Variants in GHR observed in about 807,000 individuals in gnomAD.
GHR encodes the protein GH receptor.
Under a neutral mutation model 67.1 loss-of-function variants are expected in GHR, and 35 were observed. That is an observed-to-expected ratio of 0.52 (90% CI 0.40 to 0.69). GHR has a LOEUF of 0.69. Ranked by LOEUF, GHR falls within the 30% of genes least tolerant of loss-of-function variation. The pLI, the probability that GHR is intolerant of heterozygous loss-of-function variation, is 0.00. For missense variants in GHR, 792 were observed against 764.6 expected (o/e 1.04, Z -0.42); for synonymous variants, 272 against 269.1 (o/e 1.01, Z -0.10).
At chr5:42,513,713 C>T (rs971476312) in intron 1 of GHR, among the ~76,000 whole-genome samples, 3 of 151,416 alleles carry the variant, frequency 2.0e-5, no homozygotes, top group African/African-American at 4.9e-5. Context: ...ACTCGGGAGG[C>T]GGAGGTTGTG....
chr5:42,622,469 G>A lies in GHR; in HGVS notation c.71-6569G>A, dbSNP rs1287390795. Among the ~76,000 whole-genome samples the A allele has an allele frequency of 3.9e-5, 6 of 152,156 alleles. No homozygotes were observed. The South Asian group carries it at 1.0e-3, about 26-fold the overall frequency. On this transcript the variant is annotated intron_variant, in intron 2 of 9. Transcript: ENST00000230882. ...TGTCATAAGAATCACCTGGCAGGGA[G>A]GGGTATGGAAGGGCAAGGTAAGCAT...
chr5:42,572,024 G>T (rs552087516), intron 2 of GHR, among the ~76,000 whole-genome samples: 1 of 152,266 alleles, frequency 6.6e-6, no homozygotes, highest in East Asian at 1.9e-4. Context: ...ACAACAAGGG[G>T]CCCAGGATTC....
intron 3 of GHR, among the ~76,000 whole-genome samples, chr5:42,681,416 T>C (rs1417541116): frequency 6.6e-6 from 1 of 152,178 alleles, no homozygotes; most frequent in East Asian, 1.9e-4. Flanking sequence ...AGATACCATT[T>C]CACACCAGTT....
At chr5:42,576,398 A>G (rs2112531772) in intron 2 of GHR, among the ~76,000 whole-genome samples, 1 of 152,172 alleles carries the variant, frequency 6.6e-6, no homozygotes, top group South Asian at 2.1e-4. Context: ...TAATTATGTA[A>G]AATTCCTATA....
At chr5:42,559,237 A>G (rs1199232059) in intron 1 of GHR, among the ~76,000 whole-genome samples, 1 of 152,166 alleles carries the variant, frequency 6.6e-6, no homozygotes, top group Non-Finnish European at 1.5e-5. Flanking sequence ...ATATATCCTT[A>G]TTTTATAAAA....
At chr5:42,665,875 A>G (rs1222711336) in intron 3 of GHR, among the ~76,000 whole-genome samples, 1 of 152,188 alleles carries the variant, frequency 6.6e-6, no homozygotes, top group Non-Finnish European at 1.5e-5. Context: ...GGCAGAAAAG[A>G]AAGCATGTGC....
intron 3 of GHR, among the ~76,000 whole-genome samples, chr5:42,660,974 G>A (rs1232165153): frequency 6.6e-6 from 1 of 152,190 alleles, no homozygotes; most frequent in Non-Finnish European, 1.5e-5. Flanking sequence ...GAAGCCTCAG[G>A]AGCCGATGCG....
At chr5:42,508,675 G>A (rs545856861) in intron 1 of GHR, among the ~76,000 whole-genome samples, 64 of 152,240 alleles carry the variant, frequency 4.2e-4, no homozygotes, top group Middle Eastern at 3.4e-3. Context: ...CCGAGTTCAC[G>A]CCATTCTCCT....
chr5:42,503,157 C>T (rs1350298762), intron 1 of GHR, among the ~76,000 whole-genome samples: 2 of 152,168 alleles, frequency 1.3e-5, no homozygotes, highest in African/African-American at 2.4e-5. Flanking sequence ...AAATCGCTTC[C>T]TTATGCTCAA....
At chr5:42,595,482 T>C (rs1752018785) in intron 2 of GHR, among the ~76,000 whole-genome samples, 1 of 152,256 alleles carries the variant, frequency 6.6e-6, no homozygotes, top group South Asian at 2.1e-4. Context: ...TCTGATGTCA[T>C]TATTTCTATA....
chr5:42,571,113 C>T (rs1020362898), intron 2 of GHR, among the ~76,000 whole-genome samples: 18 of 152,170 alleles, frequency 1.2e-4, no homozygotes, highest in South Asian at 6.2e-4. Flanking sequence ...CAATGACTCA[C>T]GTTTAATGCA....
intron 1 of GHR, among the ~76,000 whole-genome samples, chr5:42,474,874 T>G (rs1341512948): frequency 1.3e-5 from 2 of 150,220 alleles, no homozygotes; most frequent in African/African-American, 4.9e-5. Context: ...TTTTTCTTTT[T>G]TTTTTTTTGC....
chr5:42,631,893 C>G (rs1753946336), intron 3 of GHR, among the ~76,000 whole-genome samples: 1 of 152,050 alleles, frequency 6.6e-6, no homozygotes, highest in Admixed American at 6.5e-5. Context: ...ATACTTGGGT[C>G]CAAGAAGCCC....
chr5:42,711,334 T>A lies in GHR; in HGVS notation c.746T>A (p.Val249Glu). ...GGCGAGTTCAGTGAGGTGCTCTATG[T>A]AACACTTCCTCAGATGAGCCAATTT... ...NYGEFSEVLY[V>E]TLPQMSQFTC... is the part of the protein sequence containing the mutation. The change falls in exon 7 of 10, where the codon GTA (valine) becomes GAA (glutamate). Residue 249 changes from valine to glutamate, a missense_variant. Coordinates refer to ENST00000230882, the MANE Select transcript of GHR (RefSeq NM_000163.5). 6.2e-7 allele frequency: 1 copy of A among 1,613,138 alleles called. No homozygotes were observed. Among genetic ancestry groups the A allele is most frequent in the Non-Finnish European group, 8.5e-7 (1 of 1,179,080 alleles).
intron 3 of GHR, chr5:42,647,666 A>C: frequency 2.2e-6 from 1 of 453,240 alleles, no homozygotes; most frequent in South Asian, 1.6e-5. Flanking sequence ...CTTACATGCA[A>C]GCCTAATGCA....
At chr5:42,531,267 C>CA (rs66526387) in intron 1 of GHR, among the ~76,000 whole-genome samples, 69,717 of 147,568 alleles carry the variant, frequency 0.47, 16,624 homozygotes, top group Middle Eastern at 0.55. Context: ...AGTCCATCTC[C>CA]AAAAAAAAAA....
Position 42,650,578 on chromosome 5 carries a change from C to CATATATATATAT in GHR, c.136+21488_136+21499dup, listed in dbSNP as rs35408817. Among the ~76,000 whole-genome samples the CATATATATATAT allele has an allele frequency of 6.2e-3, 801 of 128,930 alleles. 9 individuals are homozygous for CATATATATATAT. The highest frequency in any genetic ancestry group is 0.027 in the East Asian group (124 of 4,538). The allele number at this position is 128,930 out of a possible 152,430, so 84.6% of individuals were successfully genotyped here. A position where few individuals can be genotyped will look rare whatever the true frequency, so the allele number is the denominator to read the frequency against. ...CCAATGTACTCACTTTTACAGATAA[C>CATATATATATAT]ATATATATATATATATATATATATG... is the stretch of plus-strand genomic sequence containing the variant. On this transcript the variant is annotated intron_variant, in intron 3 of 9. Coordinates refer to ENST00000230882, the MANE Select transcript of GHR (RefSeq NM_000163.5).
intron 2 of GHR, among the ~76,000 whole-genome samples, chr5:42,624,954 G>A (rs775408844): frequency 4.6e-5 from 7 of 152,164 alleles, no homozygotes; most frequent in Non-Finnish European, 8.8e-5. Context: ...TAAAATCAAG[G>A]TGTAGTACTT....
intron 3 of GHR, among the ~76,000 whole-genome samples, chr5:42,679,859 C>T (rs1372315066): frequency 6.6e-6 from 1 of 152,122 alleles, no homozygotes; most frequent in African/African-American, 2.4e-5. Flanking sequence ...TAGTTGCTGT[C>T]ATATTGTTAT....
Sources: gnomAD v4.1 joint callset for allele counts (sites outside exome capture counted in the v4.1 genomes callset) on GRCh38, gnomAD v4.1.1 for gene constraint, MANE v1.5 for transcripts, NCBI Gene and HGNC (gene_info 2026-07-23, HGNC 2026-07-21) for gene names.